The following AKAP13 variants were observed in gnomAD, a reference collection of about 807,000 sequenced individuals.
The protein encoded by AKAP13 is A-kinase anchoring protein 13.
AKAP13 carries 80 observed loss-of-function variants against 264.5 expected under a neutral mutation model. The ratio of observed to expected loss-of-function variants is 0.30; its 90% CI spans 0.25 to 0.36. The LOEUF (loss-of-function observed/expected upper bound fraction) is 0.36. Ranked by LOEUF, AKAP13 falls within the 10% of genes least tolerant of loss-of-function variation. The pLI, the probability that AKAP13 is intolerant of heterozygous loss-of-function variation, is 1.00. For synonymous variants in AKAP13, 1,380 were observed against 1,250.2 expected, an observed-to-expected ratio of 1.10 and a Z score of -2.19; for missense variants, 3,712 against 3,435.2, an observed-to-expected ratio of 1.08 and a Z score of -2.01.
chr15:85,514,213 C>T (rs1305702046), intron 2 of AKAP13, among the ~76,000 whole-genome samples: 1 of 137,516 alleles, frequency 7.3e-6, no homozygotes, highest in Non-Finnish European at 1.5e-5. Context: ...TTTAAGCAGT[C>T]AGCCCGTCAT....
chr15:85,687,875 C>CA (rs919132075), intron 16 of AKAP13, among the ~76,000 whole-genome samples: 4 of 151,610 alleles, frequency 2.6e-5, no homozygotes, highest in Non-Finnish European at 4.4e-5. Context: ...CTCATCTCTA[C>CA]AAAAAAATTG....
chr15:85,467,950 G>T (rs1283558843), intron 1 of AKAP13, among the ~76,000 whole-genome samples: 1 of 152,134 alleles, frequency 6.6e-6, no homozygotes, highest in Non-Finnish European at 1.5e-5. Flanking sequence ...TTTGATGCCT[G>T]ATTTCTGATA....
At chr15:85,557,892 ATTG>A (rs2078209450) in intron 5 of AKAP13, among the ~76,000 whole-genome samples, 1 of 152,132 alleles carries the variant, frequency 6.6e-6, no homozygotes, top group African/African-American at 2.4e-5. Context: ...TACTCTTGCT[ATTG>A]TTCAGTTGGT....
chr15:85,635,372 T>A (rs1378122913), intron 8 of AKAP13, among the ~76,000 whole-genome samples: 2 of 152,218 alleles, frequency 1.3e-5, no homozygotes, highest in Non-Finnish European at 2.9e-5. Flanking sequence ...TTAAATAAAA[T>A]GTTTATTCAA....
chr15:85,635,109 A>C (rs2082018183), intron 8 of AKAP13: 1 of 398,062 alleles, frequency 2.5e-6, no homozygotes, highest in Non-Finnish European at 4.4e-6. Context: ...GTTGTATGTA[A>C]GTATATGTTT....
intron 1 of AKAP13, among the ~76,000 whole-genome samples, chr15:85,424,065 A>G (rs548800791): frequency 1.5e-4 from 23 of 152,342 alleles, no homozygotes; most frequent in African/African-American, 5.5e-4. Context: ...TAGACTTAGC[A>G]TAATTCTTAT....
intron 1 of AKAP13, among the ~76,000 whole-genome samples, chr15:85,396,650 C>T (rs764021688): frequency 2.0e-5 from 3 of 152,094 alleles, no homozygotes; most frequent in Non-Finnish European, 4.4e-5. Flanking sequence ...ATACTGTAAA[C>T]CATGAAATGC....
chr15:85,560,105 C>T (rs1279770403), intron 5 of AKAP13, among the ~76,000 whole-genome samples: 1 of 132,684 alleles, frequency 7.5e-6, no homozygotes, highest in African/African-American at 2.9e-5. Context: ...CAAGGAGCTC[C>T]TGTGATACCT....
chr15:85,577,321 TAATG>T (rs56040828), intron 6 of AKAP13, among the ~76,000 whole-genome samples: 975 of 93,044 alleles, frequency 0.01, 11 homozygotes, highest in African/African-American at 0.034. Context: ...GTAGATCAGG[TAATG>T]AATGAATGGC....
Position 85,551,085 on chromosome 15 carries a change from G to C in AKAP13, c.662+7130G>C, listed in dbSNP as rs1042768104. On this transcript the variant is annotated intron_variant, in intron 5 of 36. Coordinates refer to ENST00000394518, the MANE Select transcript of AKAP13 (RefSeq NM_007200.5). ...TATTTGGATTTATTCATAGAATTTT[G>C]TGAGGAGGCATGTTTGGTAGCATTT... 2.6e-5 allele frequency among the ~76,000 whole-genome samples: 4 copies of C among 152,126 alleles called. No homozygotes were observed. In the East Asian group the frequency reaches 7.7e-4, roughly 29 times the overall value.
intron 8 of AKAP13, among the ~76,000 whole-genome samples, chr15:85,614,521 C>T (rs559562296): frequency 9.9e-5 from 15 of 152,270 alleles, no homozygotes; most frequent in Middle Eastern, 3.4e-3. Context: ...TTAAGAATCA[C>T]TTGGCATTTT....
chr15:85,412,631 A>T (rs574058208), intron 1 of AKAP13, among the ~76,000 whole-genome samples: 1 of 152,352 alleles, frequency 6.6e-6, no homozygotes, highest in East Asian at 1.9e-4. Flanking sequence ...ACATAACAAA[A>T]GCTCTTTGGG....
At chr15:85,395,063 A>G (rs1452402313) in intron 1 of AKAP13, among the ~76,000 whole-genome samples, 1 of 152,218 alleles carries the variant, frequency 6.6e-6, no homozygotes, top group Non-Finnish European at 1.5e-5. Context: ...AGGACATGCA[A>G]GTTCCTTTTA....
intron 10 of AKAP13, among the ~76,000 whole-genome samples, chr15:85,653,451 A>G (rs1384692473): frequency 6.6e-6 from 1 of 152,190 alleles, no homozygotes; most frequent in Non-Finnish European, 1.5e-5. Flanking sequence ...CTTAAAAAAC[A>G]ATCTAGGAAA....
intron 5 of AKAP13, among the ~76,000 whole-genome samples, chr15:85,553,603 A>G (rs866841360): frequency 2.0e-5 from 3 of 152,104 alleles, no homozygotes; most frequent in Admixed American, 6.6e-5. Flanking sequence ...TTTTATTCTT[A>G]TAGTACATAT....
In AKAP13 at chr15:85,498,197, G is replaced by GATATATATATATATATATATATAT. The variant is rs1491342478; in HGVS notation, c.33+12445_33+12446insTATATATATATATATATATATATA. ...TGTGGTAGTAAGGATTAAATGAAGTGAGATATATATATATATATATATATA... is the reference window on the plus strand; with the variant it reads ...TGTGGTAGTAAGGATTAAATGAAGTGATATATATATATATATATATATATAGATATATATATATATATATATATA... On this transcript the variant is annotated intron_variant, in intron 2 of 36. Coordinates refer to ENST00000394518, the MANE Select transcript of AKAP13 (RefSeq NM_007200.5). Among the ~76,000 whole-genome samples, 232 of 29,924 alleles carry GATATATATATATATATATATATAT rather than the reference G, an allele frequency of 7.8e-3. 6 individuals carry two copies. The highest frequency in any genetic ancestry group is 0.018 in the South Asian group (23 of 1,270). 19.6% of individuals were successfully genotyped at this position (29,924 alleles called of 152,430 possible).
At chr15:85,603,378 G>T (rs1254512774) in intron 8 of AKAP13, among the ~76,000 whole-genome samples, 1 of 152,244 alleles carries the variant, frequency 6.6e-6, no homozygotes, top group African/African-American at 2.4e-5. Context: ...GGCACCATCA[G>T]TGCAGATGTC....
chr15:85,601,599 C>T (rs974399220), intron 8 of AKAP13, among the ~76,000 whole-genome samples: 2 of 72,296 alleles, frequency 2.8e-5, no homozygotes, highest in Non-Finnish European at 6.4e-5. Context: ...CTTCTCTCAC[C>T]TGAATTCTTT....
At chr15:85,478,815 A>G (rs1014572341) in intron 1 of AKAP13, among the ~76,000 whole-genome samples, 8 of 144,748 alleles carry the variant, frequency 5.5e-5, no homozygotes, top group African/African-American at 2.1e-4. Flanking sequence ...GTTCCGTATG[A>G]GAATCAGACA....
Sources: allele counts gnomAD v4.1 joint callset (sites outside exome capture counted in the v4.1 genomes callset), GRCh38; gene constraint gnomAD v4.1.1; transcripts MANE v1.5; gene names NCBI Gene and HGNC (gene_info 2026-07-23, HGNC 2026-07-21).